PDZD2: variants seen among roughly 807,000 people sequenced by gnomAD.
The protein encoded by PDZD2 is PDZ domain containing 2.
In PDZD2, 90 loss-of-function variants were observed where a neutral mutation model predicts 220.7. That is an observed-to-expected ratio of 0.41 (90% confidence interval 0.34 to 0.49). PDZD2 has a LOEUF of 0.49. Among genes scored for constraint, PDZD2 ranks in the 20% least tolerant of loss-of-function variants. The pLI is 0.28. For missense variants in PDZD2, 3,174 were observed against 3,608.5 expected (o/e 0.88, Z 3.08); for synonymous variants, 1,375 against 1,450.5 (o/e 0.95, Z 1.18).
At position 31,799,291 on chromosome 5, in the gene PDZD2, C is replaced by T. The variant is rs967331354; in HGVS notation, c.43C>T (p.Leu15Phe). 6.2e-7 allele frequency: 1 copy of T among 1,613,112 alleles called. No homozygotes were observed. The highest frequency in any genetic ancestry group is 8.5e-7 in the Non-Finnish European group (1 of 1,179,480). ...QDNAVLHLPLLYQWLQNSLQE... is the reference protein window; with the variant it reads ...QDNAVLHLPLFYQWLQNSLQE... ...CAATGCCGTGCTGCACCTGCCCCTCCTCTACCAGTGGCTGCAGAACAGCCT... is the reference window on the plus strand; with the variant it reads ...CAATGCCGTGCTGCACCTGCCCCTCTTCTACCAGTGGCTGCAGAACAGCCT... Residue 15 changes from leucine (L) to phenylalanine (F), a missense_variant, in exon 2 of 25, where the codon CTC (leucine) becomes TTC (phenylalanine). Physicochemically the swap from Leu to Phe is conservative, Grantham distance 22. Coordinates refer to ENST00000438447, the MANE Select transcript of PDZD2 (RefSeq NM_178140.4).
At chr5:32,013,318 T>TTA (rs1334342521) in intron 6 of PDZD2, among the ~76,000 whole-genome samples, 1 of 132,218 alleles carries the variant, frequency 7.6e-6, no homozygotes, top group African/African-American at 3.5e-5. Context: ...TCTCTCTGTG[T>TTA]TATCTTTTTT....
At chr5:31,670,695 A>G (rs1746182882) in intron 1 of PDZD2, among the ~76,000 whole-genome samples, 1 of 152,128 alleles carries the variant, frequency 6.6e-6, no homozygotes, top group South Asian at 2.1e-4. Flanking sequence ...TGCTGGGATT[A>G]CAGACGTGAG....
chr5:31,644,575 T>G (rs1337542134), intron 1 of PDZD2, among the ~76,000 whole-genome samples: 1 of 152,214 alleles, frequency 6.6e-6, no homozygotes, highest in Non-Finnish European at 1.5e-5. Flanking sequence ...CATTTGTCTT[T>G]TAAGCCTCTC....
intron 7 of PDZD2, among the ~76,000 whole-genome samples, chr5:32,041,544 A>G (rs960067228): frequency 6.6e-6 from 1 of 152,074 alleles, no homozygotes; most frequent in African/African-American, 2.4e-5. Flanking sequence ...CTTACCCCCA[A>G]CCCCGTGCTC....
At chr5:31,812,010 A>G (rs904168897) in intron 2 of PDZD2, among the ~76,000 whole-genome samples, 2 of 148,620 alleles carry the variant, frequency 1.3e-5, no homozygotes, top group African/African-American at 4.9e-5. Flanking sequence ...AAATAAATAA[A>G]TAAATAAATA....
intron 6 of PDZD2, among the ~76,000 whole-genome samples, chr5:32,011,140 A>G (rs925493884): frequency 2.6e-5 from 4 of 152,006 alleles, no homozygotes; most frequent in East Asian, 1.9e-4. Context: ...GACAACTACT[A>G]TTAGTGAATT....
intron 2 of PDZD2, among the ~76,000 whole-genome samples, chr5:31,946,648 C>CT (rs1270547032): frequency 1.3e-5 from 2 of 152,160 alleles, no homozygotes; most frequent in East Asian, 3.9e-4. Context: ...CAAAGCAGTC[C>CT]TTTTTTTCTT....
chr5:31,799,669 G>C lies in PDZD2; in HGVS notation c.421G>C (p.Glu141Gln). 6.2e-7 allele frequency: 1 copy of C among 1,614,114 alleles called. No individual in the cohort carries two copies. Among genetic ancestry groups the C allele is most frequent in the Non-Finnish European group, 8.5e-7 (1 of 1,180,012 alleles). The change falls in exon 2 of 25, where the codon GAG becomes CAG. Residue 141 changes from glutamate (E) to glutamine (Q), a missense_variant. Around this residue, in one of 4 missense-constraint regions of PDZD2, gnomAD observed 632 missense variants for 708.1 expected, o/e 0.89. Transcript: ENST00000438447. ...GKSGKVRLRDEILSLNGQLMV... is the reference protein window; with the variant it reads ...GKSGKVRLRDQILSLNGQLMV... ...GAGTGGGAAGGTCCGACTGCGGGAT[G>C]AGATCCTCTCACTGAATGGGCAGCT...
chr5:31,974,338 C>A (rs1392240901), intron 2 of PDZD2, among the ~76,000 whole-genome samples: 2 of 150,790 alleles, frequency 1.3e-5, no homozygotes, highest in African/African-American at 2.4e-5. Flanking sequence ...AGAGTGAGAT[C>A]TTGTCTCACA....
rs57135705 is a variant in PDZD2, at chr5:32,054,312, C to CTTTTTTTTTTTTTTTTTTTT, written c.1900+436_1900+455dup. Among the ~76,000 whole-genome samples the CTTTTTTTTTTTTTTTTTTTT allele has an allele frequency of 2.2e-4, 15 of 69,332 alleles. 2 individuals carry two copies. Among genetic ancestry groups the CTTTTTTTTTTTTTTTTTTTT allele is most frequent in the African/African-American group, 7.6e-4 (14 of 18,486 alleles). The allele number at this position is 69,332 out of a possible 152,430, so 45.5% of individuals were successfully genotyped here. On this transcript the variant is annotated intron_variant, in intron 10 of 24. Coordinates refer to ENST00000438447, the MANE Select transcript of PDZD2 (RefSeq NM_178140.4). Reference sequence around the variant, plus strand: ...CATAGTCTGGTTCCTAAATGAACATCTTTTTTTTTTTTTTTTTTTTTTTTT... The same window carrying CTTTTTTTTTTTTTTTTTTTT: ...CATAGTCTGGTTCCTAAATGAACATCTTTTTTTTTTTTTTTTTTTTTTTTTTTTTTTTTTTTTTTTTTTTT...
intron 2 of PDZD2, among the ~76,000 whole-genome samples, chr5:31,805,616 C>A (rs1202650358): frequency 6.6e-6 from 1 of 152,204 alleles, no homozygotes; most frequent in Non-Finnish European, 1.5e-5. Context: ...GACTCTCTTG[C>A]AATCTCTTCT....
intron 2 of PDZD2, among the ~76,000 whole-genome samples, chr5:31,829,894 A>G (rs1212704971): frequency 1.3e-5 from 2 of 151,814 alleles, no homozygotes; most frequent in African/African-American, 4.8e-5. Flanking sequence ...TAAAAATACA[A>G]AAAATTAGCC....
chr5:31,751,102 C>T (rs1454921585), intron 1 of PDZD2, among the ~76,000 whole-genome samples: 2 of 151,950 alleles, frequency 1.3e-5, no homozygotes, highest in Non-Finnish European at 2.9e-5. Flanking sequence ...AGTACCTGGG[C>T]GTGGTGGCAC....
rs77311753 is a variant in PDZD2 at position 31,895,178 on chromosome 5, G to A, written c.477-87977G>A. Among the ~76,000 whole-genome samples, 701 of 152,288 alleles carry A rather than the reference G, an allele frequency of 4.6e-3. 16 individuals carry two copies. The East Asian group carries it at 0.065, about 14-fold the overall frequency. On this transcript the variant is annotated intron_variant, in intron 2 of 24. Coordinates refer to ENST00000438447, the MANE Select transcript of PDZD2 (RefSeq NM_178140.4). ...GCTAGGATTACAGGCGTGAGCCACC[G>A]TGCCTGGCCGCCCTTTCTTTCTTTT... is the stretch of plus-strand genomic sequence containing the variant.
chr5:32,010,683 T>A (rs1002330244), intron 6 of PDZD2: 1 of 640,276 alleles, frequency 1.6e-6, no homozygotes, highest in Non-Finnish European at 2.9e-6. Flanking sequence ...GGAAAAAAAA[T>A]GAAATGGTAA....
chr5:31,718,903 C>T (rs570239092), intron 1 of PDZD2, among the ~76,000 whole-genome samples: 4 of 152,068 alleles, frequency 2.6e-5, no homozygotes, highest in African/African-American at 7.2e-5. Flanking sequence ...GGTTTCACCA[C>T]GTTAGCCAGG....
intron 1 of PDZD2, among the ~76,000 whole-genome samples, chr5:31,670,092 C>G (rs541421039): frequency 1.3e-5 from 2 of 152,284 alleles, no homozygotes; most frequent in Admixed American, 6.5e-5. Flanking sequence ...AGCGGGCACT[C>G]CTAACTGCTA....
intron 1 of PDZD2, among the ~76,000 whole-genome samples, chr5:31,763,406 C>T (rs564875226): frequency 1.5e-4 from 23 of 152,302 alleles, no homozygotes; most frequent in Admixed American, 8.5e-4. Context: ...TTGTTTAGAA[C>T]AGACCCACAA....
chr5:32,024,012 C>T (rs1371485631), intron 6 of PDZD2, among the ~76,000 whole-genome samples: 9 of 152,372 alleles, frequency 5.9e-5, no homozygotes, highest in East Asian at 1.9e-4. Context: ...TTAGTCACTA[C>T]GTAGCCAGCT....
Sources: gnomAD v4.1 joint callset for allele counts (sites outside exome capture counted in the v4.1 genomes callset) on GRCh38, gnomAD v4.1.1 for gene constraint, gnomAD v4.1.1 regional missense constraint, MANE v1.5 for transcripts, NCBI Gene and HGNC (gene_info 2026-07-23, HGNC 2026-07-21) for gene names.